The following CLIP2 variants were observed in gnomAD, a reference collection of about 807,000 sequenced individuals.
The protein encoded by CLIP2 is CAP-Gly domain-containing linker protein 2.
In CLIP2, 41 loss-of-function variants were observed where a neutral mutation model predicts 111.7. The ratio of observed to expected loss-of-function variants is 0.37; its 90% CI spans 0.29 to 0.48. The LOEUF (loss-of-function observed/expected upper bound fraction) is 0.48. CLIP2 is among the 20% of genes least tolerant of loss of function. The probability of loss-of-function intolerance (pLI) is 0.99; values close to 1 mark genes in which losing one functional copy is unlikely to be tolerated. For missense variants in CLIP2, 1,160 were observed against 1,422.1 expected, an observed-to-expected ratio of 0.82 and a Z score of 2.96; for synonymous variants, 660 against 644.2, an observed-to-expected ratio of 1.02 and a Z score of -0.37.
At chr7:74,317,789 A>G (rs1408698526) in intron 2 of CLIP2, 122 bp downstream of exon 2, 2 of 1,209,564 alleles carry the variant, frequency 1.7e-6, no homozygotes, top group East Asian at 2.8e-5. Context: ...GCTGAGTGTC[A>G]TGAGCTCCTG....
At chr7:74,392,117 C>T (rs566186153) in intron 13 of CLIP2, among the ~76,000 whole-genome samples, 4 of 151,542 alleles carry the variant, frequency 2.6e-5, no homozygotes, top group Non-Finnish European at 5.9e-5. Flanking sequence ...TTTGGGAGGC[C>T]GAGGCAGGCA....
chr7:74,339,085 C>T (rs929110073), intron 3 of CLIP2, 81 bp downstream of exon 3: 20 of 1,409,596 alleles, frequency 1.4e-5, no homozygotes, highest in Non-Finnish European at 1.8e-5. Context: ...GCTGGACCCC[C>T]CTGGGCTGGG....
Position 74,317,518 on chromosome 7 carries a change from C to T in CLIP2, c.-29C>T. 3.6e-6 allele frequency: 5 copies of T among 1,395,894 alleles called. No individual in the cohort carries two copies. The highest frequency in any genetic ancestry group is 3.8e-6 in the Non-Finnish European group (4 of 1,065,064). 86.5% of individuals were successfully genotyped at this position (1,395,894 alleles called of 1,614,324 possible). A position where few individuals can be genotyped will look rare whatever the true frequency, so the allele number is the denominator to read the frequency against. ...GCAGAGAGGACGTGACCAGCACTCA[C>T]CCTTGTCCACCTGCCCAGTGGCACC... is the stretch of plus-strand genomic sequence containing the variant. On this transcript the variant is annotated 5_prime_UTR_variant, in exon 2 of 17. Coordinates refer to ENST00000223398, the MANE Select transcript of CLIP2 (RefSeq NM_003388.5).
chr7:74,326,196 C>A (rs1005774635), intron 2 of CLIP2, among the ~76,000 whole-genome samples: 1 of 152,128 alleles, frequency 6.6e-6, no homozygotes, highest in Non-Finnish European at 1.5e-5. Context: ...GCCAAGTTTA[C>A]ACCATTGCAC....
intron 8 of CLIP2, chr7:74,364,918 G>C (rs1245534849): frequency 2.2e-6 from 1 of 454,324 alleles, no homozygotes. Flanking sequence ...AGCTACTCAG[G>C]GAGGCTGAGG....
At chr7:74,380,978 C>A in intron 11 of CLIP2, 115 bp downstream of exon 11, 1 of 988,410 alleles carries the variant, frequency 1.0e-6, no homozygotes, top group Non-Finnish European at 1.6e-6. Context: ...TAAGAGTCAC[C>A]TCCTGTGTGC....
chr7:74,320,384 C>T (rs190716685), intron 2 of CLIP2, among the ~76,000 whole-genome samples: 6 of 151,698 alleles, frequency 4.0e-5, no homozygotes, highest in Non-Finnish European at 7.4e-5. Flanking sequence ...AAATTAGGCA[C>T]GGTGGTGTAT....
At chr7:74,296,539 C>T (rs1788173520) in intron 1 of CLIP2, among the ~76,000 whole-genome samples, 1 of 151,678 alleles carries the variant, frequency 6.6e-6, no homozygotes, top group South Asian at 2.1e-4. Context: ...CCTGTAATCC[C>T]AGCACTTTGG....
intron 3 of CLIP2, among the ~76,000 whole-genome samples, chr7:74,347,595 A>G (rs1789839023): frequency 6.6e-6 from 1 of 151,810 alleles, no homozygotes; most frequent in Non-Finnish European, 1.5e-5. Flanking sequence ...AGTCCCCCTT[A>G]CCCCCACGCG....
intron 1 of CLIP2, among the ~76,000 whole-genome samples, chr7:74,309,108 A>G (rs879976631): frequency 5.3e-5 from 8 of 151,712 alleles, no homozygotes; most frequent in Admixed American, 4.6e-4. Context: ...AGCTCCAGCA[A>G]TTCACCCACC....
At position 74,338,752 on chromosome 7, in the gene CLIP2, C is replaced by T; in HGVS notation, c.426C>T (p.Pro142=). ...CCCTCCAGGGTATCTTCACGCGGCCCTCCAAGCTGACCCGGCAGCCCACGG... is the reference window on the plus strand; with the variant it reads ...CCCTCCAGGGTATCTTCACGCGGCCTTCCAAGCTGACCCGGCAGCCCACGG... ...CPALQGIFTR[P]SKLTRQPTAE... is the part of the protein sequence containing the mutation. The change falls in exon 3 of 17, where the codon CCC becomes CCT. Residue 142 remains proline, a synonymous_variant. Transcript: ENST00000223398. The surrounding 1 kb of genome is among the most constrained non-coding windows in gnomAD (Gnocchi z 4.3). 2 of 1,603,772 alleles carry T rather than the reference C, an allele frequency of 1.2e-6. No individual in the cohort carries two copies. Among genetic ancestry groups the T allele is most frequent in the Non-Finnish European group, 1.7e-6 (2 of 1,177,064 alleles).
intron 1 of CLIP2, among the ~76,000 whole-genome samples, chr7:74,312,752 G>A (rs1414315989): frequency 6.6e-6 from 1 of 152,146 alleles, no homozygotes; most frequent in Non-Finnish European, 1.5e-5. Context: ...GCCAGGGCTG[G>A]CAGGCATGCC....
At chr7:74,315,652 C>T (rs1357280318) in intron 1 of CLIP2, among the ~76,000 whole-genome samples, 2 of 151,828 alleles carry the variant, frequency 1.3e-5, no homozygotes, top group Admixed American at 6.6e-5. Flanking sequence ...CTCACTGCAG[C>T]CTCCTCCTCC....
Position 74,372,920 on chromosome 7 carries a change from T to A in CLIP2, c.1381-12T>A. On this transcript the variant is annotated splice_polypyrimidine_tract_variant and intron_variant, in intron 8 of 16. Coordinates refer to ENST00000223398, the MANE Select transcript of CLIP2 (RefSeq NM_003388.5). Reference sequence around the variant, plus strand: ...CCCCACCCCCCCACCGTGTCCACCCTGGGTGGACCAGACCCAGACGCAGCT... The same window carrying A: ...CCCCACCCCCCCACCGTGTCCACCCAGGGTGGACCAGACCCAGACGCAGCT... 18 of 596,224 alleles carry A rather than the reference T, an allele frequency of 3.0e-5. No homozygotes were observed. The highest frequency in any genetic ancestry group is 5.3e-5 in the African/African-American group (1 of 18,834). 36.9% of individuals were successfully genotyped at this position (596,224 alleles called of 1,614,324 possible).
intron 2 of CLIP2, among the ~76,000 whole-genome samples, chr7:74,320,066 A>C (rs933966048): frequency 6.7e-6 from 1 of 149,688 alleles, no homozygotes; most frequent in Non-Finnish European, 1.5e-5. Flanking sequence ...AAATACAAAA[A>C]TTAGCTGTAA....
intron 10 of CLIP2, among the ~76,000 whole-genome samples, chr7:74,379,636 C>T (rs1026710798): frequency 6.6e-6 from 1 of 151,860 alleles, no homozygotes; most frequent in African/African-American, 2.4e-5. Context: ...TGGTGGCGGG[C>T]GCCTGTAGTC....
In CLIP2 at chr7:74,389,130, A is replaced by T; in HGVS notation, c.2591A>T (p.Glu864Val). 1 of 1,613,020 alleles carries T rather than the reference A, an allele frequency of 6.2e-7. No individual in the cohort carries two copies. The highest frequency in any genetic ancestry group is 1.1e-5 in the South Asian group (1 of 90,960). The change falls in exon 13 of 17, where the codon GAG becomes GTG. Residue 864 changes from glutamate to valine, a missense_variant. Around this residue, in one of 5 missense-constraint regions of CLIP2, gnomAD observed 676 missense variants for 777.8 expected, o/e 0.87. Coordinates refer to ENST00000223398, the MANE Select transcript of CLIP2 (RefSeq NM_003388.5). ...SALESKCKSG[E>V]KKVDALLKEK... The stretch of plus-strand genomic sequence containing the variant: ...CTGGAGAGCAAGTGTAAGTCAGGCG[A>T]GAAGAAGGTGGACGCCCTCCTGAAG...
At chr7:74,388,053 G>A (rs1375308061) in intron 12 of CLIP2, among the ~76,000 whole-genome samples, 1 of 152,124 alleles carries the variant, frequency 6.6e-6, no homozygotes, top group Non-Finnish European at 1.5e-5. Flanking sequence ...GCCGGGGCTG[G>A]GCATGGTGGC....
intron 15 of CLIP2, 111 bp from the exon 16 acceptor site, chr7:74,401,394 G>T (rs1791614109): frequency 1.0e-6 from 1 of 1,004,432 alleles, no homozygotes; most frequent in Non-Finnish European, 1.5e-6. Context: ...GGCTGAAGGG[G>T]TTGGAATTTG....
Sources: gnomAD v4.1 joint callset for allele counts (sites outside exome capture counted in the v4.1 genomes callset) on GRCh38, gnomAD v4.1.1 for gene constraint, gnomAD v4.1.1 regional missense constraint, Gnocchi (gnomAD v3.1) non-coding constraint, MANE v1.5 for transcripts, NCBI Gene and HGNC (gene_info 2026-07-23, HGNC 2026-07-21) for gene names.